Variants in TNK2 observed in about 807,000 individuals in gnomAD.
TNK2 encodes tyrosine kinase non receptor 2.
TNK2 carries 83 observed loss-of-function variants against 101.8 expected under a neutral mutation model. That is an observed-to-expected ratio of 0.82 (90% CI 0.68 to 0.98). The LOEUF is 0.98. Ranked by LOEUF, TNK2 falls within the 50% of genes least tolerant of loss-of-function variation. TNK2 has a pLI of 0.00. For missense variants in TNK2, 1,665 were observed against 1,483.2 expected (o/e 1.12, Z -2.01); for synonymous variants, 804 against 633.0 (o/e 1.27, Z -4.06).
chr3:195,882,045 C>T lies in TNK2; in HGVS notation c.887+6G>A, dbSNP rs760316226. The stretch of plus-strand genomic sequence containing the variant: ...ACTCTGTGAGCTGGCAGCACCTGCC[C>T]CTCACCAGGCGAAGGGCACCTTGCG... On this transcript the variant is annotated splice_donor_region_variant and intron_variant, in intron 6 of 15. Coordinates refer to ENST00000672887, the MANE Select transcript of TNK2 (RefSeq NM_001382273.1). This position sits in a 1 kb window ranked among gnomAD's most constrained non-coding sequence, Gnocchi z 4.2. 6.2e-7 allele frequency: 1 copy of T among 1,604,400 alleles called. No homozygotes were observed. Among genetic ancestry groups the T allele is most frequent in the African/African-American group, 1.3e-5 (1 of 74,798 alleles).
intron 9 of TNK2, among the ~76,000 whole-genome samples, chr3:195,874,218 C>T (rs1238641562): frequency 6.6e-6 from 1 of 152,254 alleles, no homozygotes; most frequent in African/African-American, 2.4e-5. Flanking sequence ...CCGCTGAGGC[C>T]GAGACCTTGC....
chr3:195,894,061 C>A (rs1208195943), intron 1 of TNK2, among the ~76,000 whole-genome samples: 1 of 152,202 alleles, frequency 6.6e-6, no homozygotes, highest in Middle Eastern at 3.2e-3. Context: ...TGGACAAGAT[C>A]AGGCCTGCGT....
chr3:195,864,684 G>C (rs1038363774), intron 15 of TNK2, among the ~76,000 whole-genome samples: 4 of 137,696 alleles, frequency 2.9e-5, no homozygotes, highest in Admixed American at 7.2e-5. Flanking sequence ...GTGACAGCGA[G>C]TGCCTGCGTC....
At chr3:195,902,663 A>C in intron 1 of TNK2, among the ~76,000 whole-genome samples, 1 of 142,190 alleles carries the variant, frequency 7.0e-6, no homozygotes, top group South Asian at 2.2e-4. Flanking sequence ...AAAAAAAAAC[A>C]CCTCTCAGCA....
chr3:195,865,815 T>TGGCGCCAGGCGTGCTGGGCGCAATA lies in TNK2; in HGVS notation c.3161+1049_3161+1073dup, dbSNP rs569400145. 3.9e-3 allele frequency among the ~76,000 whole-genome samples: 596 copies of TGGCGCCAGGCGTGCTGGGCGCAATA among 152,190 alleles called. 4 individuals carry two copies. Among genetic ancestry groups the TGGCGCCAGGCGTGCTGGGCGCAATA allele is most frequent in the East Asian group, 0.012 (60 of 5,170 alleles). On this transcript the variant is annotated intron_variant, in intron 15 of 15. Transcript: ENST00000672887. Reference sequence around the variant, plus strand: ...CAGGTGACACGGAGTGCCTGCATCCTGGCGCCAGGCGTGCTGGGCGCAATA... The same window carrying TGGCGCCAGGCGTGCTGGGCGCAATA: ...CAGGTGACACGGAGTGCCTGCATCCTGGCGCCAGGCGTGCTGGGCGCAATAGGCGCCAGGCGTGCTGGGCGCAATA...
intron 1 of TNK2, among the ~76,000 whole-genome samples, chr3:195,891,670 G>A (rs1388529051): frequency 6.6e-6 from 1 of 151,884 alleles, no homozygotes; most frequent in Non-Finnish European, 1.5e-5. Context: ...CCCCCCTCCA[G>A]GGCTCAGCCT....
chr3:195,878,242 G>C lies in TNK2; in HGVS notation c.1256+11C>G. On this transcript the variant is annotated intron_variant, in intron 9 of 15. Transcript: ENST00000672887. This position sits in a 1 kb window ranked among gnomAD's most constrained non-coding sequence, Gnocchi z 4.7. ...CGATCCCAGGGCGGGGCCCAGCCCTGCACTCCCTACCTTCCCTCGATGACG... is the reference window on the plus strand; with the variant it reads ...CGATCCCAGGGCGGGGCCCAGCCCTCCACTCCCTACCTTCCCTCGATGACG... The C allele has an allele frequency of 6.2e-7, 1 of 1,613,230 alleles. No homozygotes were observed.
intron 9 of TNK2, among the ~76,000 whole-genome samples, chr3:195,877,116 C>T (rs140260778): frequency 1.5e-4 from 23 of 152,264 alleles, no homozygotes; most frequent in African/African-American, 5.3e-4. Flanking sequence ...CTCCCCGGAG[C>T]GCCACGCTTG....
chr3:195,877,945 G>A (rs747604574), intron 9 of TNK2, among the ~76,000 whole-genome samples: 4 of 152,144 alleles, frequency 2.6e-5, no homozygotes, highest in Non-Finnish European at 5.9e-5. Flanking sequence ...GAGGAAGCAC[G>A]GGAGTCCAGA....
chr3:195,871,196 CGGGGGGTG>C (rs1745060877), intron 10 of TNK2, among the ~76,000 whole-genome samples: 1 of 128,762 alleles, frequency 7.8e-6, no homozygotes, highest in Non-Finnish European at 1.6e-5. Flanking sequence ...CAAGAAGCTT[CGGGGGGTG>C]GGGGGTGGCA....
rs540529215 is a variant in TNK2 at position 195,882,246 on chromosome 3, C to T, written c.692G>A (p.Arg231His). ...GCCCTCAGCCACCTGCACAGCGTAG[C>T]GGCTCAGAGTCCCCAGGAGGAAGTG... ...QGHFLLGTLSRYAVQVAEGMG... is the reference protein window; with the variant it reads ...QGHFLLGTLSHYAVQVAEGMG... Residue 231 changes from arginine (R) to histidine (H), a missense_variant, in exon 6 of 16, where the codon CGC (arginine) becomes CAC (histidine). Physicochemically the swap from Arg to His is conservative, Grantham distance 29. Coordinates refer to ENST00000672887, the MANE Select transcript of TNK2 (RefSeq NM_001382273.1). The surrounding 1 kb of genome is among the most constrained non-coding windows in gnomAD (Gnocchi z 4.2). 5.0e-6 allele frequency: 8 copies of T among 1,613,724 alleles called. No individual in the cohort carries two copies. The highest frequency in any genetic ancestry group is 3.3e-5 in the South Asian group (3 of 91,088).
chr3:195,907,391 C>T (rs1761842895), intron 1 of TNK2, among the ~76,000 whole-genome samples: 1 of 152,212 alleles, frequency 6.6e-6, no homozygotes, highest in African/African-American at 2.4e-5. Flanking sequence ...GAGGAGAGCA[C>T]CCAGTCTGGT....
intron 15 of TNK2, among the ~76,000 whole-genome samples, chr3:195,866,183 A>G (rs1477917467): frequency 6.6e-6 from 1 of 152,186 alleles, no homozygotes; most frequent in Admixed American, 6.5e-5. Context: ...TACAGGAAAG[A>G]CAATATATTT....
At position 195,867,030 on chromosome 3, in the gene TNK2, T is replaced by A. The variant is rs910547599; in HGVS notation, c.3034-14A>T. The A allele has an allele frequency of 1.9e-6, 3 of 1,612,434 alleles. No individual in the cohort carries two copies. The African/African-American group carries it at 4.0e-5, about 22-fold the overall frequency. On this transcript the variant is annotated splice_polypyrimidine_tract_variant and intron_variant, in intron 14 of 15. Transcript: ENST00000672887. ...GAGCTGCTCCACCTGGGGGTAAGGG[T>A]GGCGCCATGGACACGCGGGCCCAGG...
rs1215625741 is a variant in TNK2, at chr3:195,897,489, T to C, written c.-18-8883A>G. On this transcript the variant is annotated intron_variant, in intron 1 of 15. Coordinates refer to ENST00000672887, the MANE Select transcript of TNK2 (RefSeq NM_001382273.1). ...AGGCCCATGGTCCAGCCCTGAAGCC[T>C]CTTCACCCCACATGTTTTTTGTTTG... 3.9e-5 allele frequency among the ~76,000 whole-genome samples: 6 copies of C among 152,300 alleles called. No individual in the cohort carries two copies. The South Asian group carries it at 1.2e-3, about 32-fold the overall frequency.
At position 195,886,994 on chromosome 3, in the gene TNK2, T is replaced by G. The variant is rs199747325; in HGVS notation, c.217A>C (p.Lys73Gln). The change falls in exon 3 of 16, where the codon AAG (lysine) becomes CAG (glutamine). Residue 73 changes from lysine (K) to glutamine (Q), a missense_variant. By Grantham distance (53) the Lys-to-Gln change is moderately conservative (BLOSUM62 1). This residue lies in a region of TNK2 where 490 missense variants were observed against 522.5 expected (regional missense o/e 0.94). Coordinates refer to ENST00000672887, the MANE Select transcript of TNK2 (RefSeq NM_001382273.1). This position sits in a 1 kb window ranked among gnomAD's most constrained non-coding sequence, Gnocchi z 4.2. Reference protein sequence around the residue: ...VKRRKALCKRKSWMSKVFSGK... With the variant: ...VKRRKALCKRQSWMSKVFSGK... Reference sequence around the variant, plus strand: ...TCACCCACCTTACTCATCCACGACTTGCGTTTGCACAAGGCCTTCCTCCTC... The same window carrying G: ...TCACCCACCTTACTCATCCACGACTGGCGTTTGCACAAGGCCTTCCTCCTC... The G allele has an allele frequency of 3.1e-6, 5 of 1,614,090 alleles. No homozygotes were observed. Among genetic ancestry groups the G allele is most frequent in the Non-Finnish European group, 4.2e-6 (5 of 1,179,986 alleles).
Position 195,882,406 on chromosome 3 carries a change from C to T in TNK2, c.610-78G>A, listed in dbSNP as rs1487085646. 6.3e-7 allele frequency: 1 copy of T among 1,585,016 alleles called. No homozygotes were observed. The highest frequency in any genetic ancestry group is 1.8e-5 in the Admixed American group (1 of 56,364). The stretch of plus-strand genomic sequence containing the variant: ...CAGCAGCCCACGCTGGGCCCCCAGT[C>T]CCCTTCCTGAAGGCTTTCCAGAGCC... On this transcript the variant is annotated intron_variant, in intron 5 of 15. Coordinates refer to ENST00000672887, the MANE Select transcript of TNK2 (RefSeq NM_001382273.1). The surrounding 1 kb of genome is among the most constrained non-coding windows in gnomAD (Gnocchi z 4.2).
Position 195,866,778 on chromosome 3 carries a change from G to A in TNK2, c.3161+111C>T, listed in dbSNP as rs886895125. 9.6e-5 allele frequency: 139 copies of A among 1,449,838 alleles called. No homozygotes were observed. The Middle Eastern group carries it at 1.1e-3, about 11-fold the overall frequency. The allele number at this position is 1,449,838 out of a possible 1,614,324, so 89.8% of individuals were successfully genotyped here. ...CTCCCTCCCGCAGCTGGAGAGCTGT[G>A]TCTCCCTGGCCGGGAGCGGCCTGCG... On this transcript the variant is annotated intron_variant, in intron 15 of 15. Transcript: ENST00000672887.
rs1760728371 is a variant in TNK2, at chr3:195,897,444, CTG to C, written c.-18-8840_-18-8839del. 2.6e-5 allele frequency among the ~76,000 whole-genome samples: 4 copies of C among 152,352 alleles called. No homozygotes were observed. In the South Asian group the frequency reaches 8.3e-4, roughly 32 times the overall value. On this transcript the variant is annotated intron_variant, in intron 1 of 15. Transcript: ENST00000672887. The stretch of plus-strand genomic sequence containing the variant: ...GCTGAGGTCCTGAGGGCAGGCAAGG[CTG>C]TGTCTGCTGGCAGTGCTAGGCCCAT...
Sources: gnomAD v4.1 joint callset for allele counts (sites outside exome capture counted in the v4.1 genomes callset) on GRCh38, gnomAD v4.1.1 for gene constraint, gnomAD v4.1.1 regional missense constraint, Gnocchi (gnomAD v3.1) non-coding constraint, MANE v1.5 for transcripts, NCBI Gene and HGNC (gene_info 2026-07-23, HGNC 2026-07-21) for gene names.